Variants in ZFPM2 observed in about 807,000 individuals in gnomAD.
ZFPM2 encodes the protein zinc finger protein ZFPM2.
A neutral mutation model predicts 98.6 loss-of-function variants in ZFPM2; 20 were observed. That is an observed-to-expected ratio of 0.20 (90% CI 0.14 to 0.29). The LOEUF is 0.29. Among genes scored for constraint, ZFPM2 ranks in the 10% least tolerant of loss-of-function variants. ZFPM2 has a pLI of 1.00. For missense variants in ZFPM2, 1,310 were observed against 1,388.6 expected, an observed-to-expected ratio of 0.94 and a Z score of 0.90; for synonymous variants, 518 against 502.7, an observed-to-expected ratio of 1.03 and a Z score of -0.41.
Position 105,802,468 on chromosome 8 carries a change from T to C in ZFPM2, c.2386T>C (p.Ser796Pro). 6.2e-7 allele frequency: 1 copy of C among 1,613,502 alleles called. No homozygotes were observed. The highest frequency in any genetic ancestry group is 8.5e-7 in the Non-Finnish European group (1 of 1,179,720). The stretch of plus-strand genomic sequence containing the variant: ...ATGTGATATCTTTCCAGGAATTGTC[T>C]CTAAACACTTGGAAACTTCTCTGAC... ...PRCDIFPGIV[S>P]KHLETSLTIN... is the part of the protein sequence containing the mutation. Residue 796 changes from serine to proline, a missense_variant, in exon 8 of 8, where the codon TCT becomes CCT. Transcript: ENST00000407775.
intron 5 of ZFPM2, among the ~76,000 whole-genome samples, chr8:105,703,756 C>A (rs1244046792): frequency 2.0e-5 from 3 of 152,148 alleles, no homozygotes; most frequent in Non-Finnish European, 4.4e-5. Context: ...TTATAAAAAT[C>A]ATTTCTTTGC....
chr8:105,689,275 T>G (rs1810819917), intron 5 of ZFPM2, among the ~76,000 whole-genome samples: 1 of 152,218 alleles, frequency 6.6e-6, no homozygotes, highest in African/African-American at 2.4e-5. Context: ...GACATAGATG[T>G]TGATATAATT....
chr8:105,353,360 C>T (rs879705245), intron 1 of ZFPM2, among the ~76,000 whole-genome samples: 1 of 152,144 alleles, frequency 6.6e-6, no homozygotes, highest in African/African-American at 2.4e-5. Context: ...TTTTGTGTGA[C>T]TGGTTATCAC....
chr8:105,523,501 G>C (rs1337979105), intron 3 of ZFPM2, among the ~76,000 whole-genome samples: 2 of 152,164 alleles, frequency 1.3e-5, no homozygotes, highest in Non-Finnish European at 2.9e-5. Context: ...TGGTGGGATC[G>C]TCAGTATGCA....
At chr8:105,320,667 T>A (rs1812008768) in intron 1 of ZFPM2, among the ~76,000 whole-genome samples, 1 of 152,220 alleles carries the variant, frequency 6.6e-6, no homozygotes, top group African/African-American at 2.4e-5. Flanking sequence ...TAATTGATTG[T>A]ATGGCACAAG....
chr8:105,374,084 C>T (rs1194561063), intron 1 of ZFPM2, among the ~76,000 whole-genome samples: 1 of 152,122 alleles, frequency 6.6e-6, no homozygotes, highest in Non-Finnish European at 1.5e-5. Flanking sequence ...TTCTCTTTCC[C>T]TTTTGGGTCT....
chr8:105,560,458 A>G (rs1045165134), intron 3 of ZFPM2, among the ~76,000 whole-genome samples: 1 of 151,980 alleles, frequency 6.6e-6, no homozygotes, highest in Non-Finnish European at 1.5e-5. Context: ...GTGATATGGC[A>G]TGGTAATACT....
chr8:105,360,794 G>T (rs1225394186), intron 1 of ZFPM2, among the ~76,000 whole-genome samples: 1 of 140,702 alleles, frequency 7.1e-6, no homozygotes, highest in Non-Finnish European at 1.5e-5. Context: ...CCCTACAAAG[G>T]ACATGAACTC....
chr8:105,791,457 A>G (rs1212062532), intron 6 of ZFPM2, among the ~76,000 whole-genome samples: 1 of 152,042 alleles, frequency 6.6e-6, no homozygotes, highest in Non-Finnish European at 1.5e-5. Context: ...ATCATGGTGG[A>G]TAAGCTTTTT....
rs1165379424 is a variant in ZFPM2 at position 105,419,223 on chromosome 8, T to C, written c.120T>C (p.Phe40=). Residue 40 remains phenylalanine, a synonymous_variant, in exon 2 of 8, where the codon TTT becomes TTC. Transcript: ENST00000407775. ...CAGACATCATCTCCAAAGGAGACTT[T>C]CCATTGGAGGAAAGCTTTTCCACAG... is the stretch of plus-strand genomic sequence containing the variant. ...EETDIISKGD[F]PLEESFSTEF... is the part of the protein sequence containing the mutation. The C allele has an allele frequency of 1.2e-6, 2 of 1,613,720 alleles. No individual in the cohort carries two copies. The highest frequency in any genetic ancestry group is 8.5e-7 in the Non-Finnish European group (1 of 1,179,722).
At chr8:105,461,202 A>G (rs1315589820) in intron 3 of ZFPM2, among the ~76,000 whole-genome samples, 1 of 152,164 alleles carries the variant, frequency 6.6e-6, no homozygotes. Context: ...TTTAAAATTA[A>G]AAGAGATTGT....
At chr8:105,739,828 A>AAAGTAGAC (rs1812171799) in intron 5 of ZFPM2, among the ~76,000 whole-genome samples, 1 of 151,996 alleles carries the variant, frequency 6.6e-6, no homozygotes, top group Non-Finnish European at 1.5e-5. Context: ...TGGTGAACAA[A>AAAGTAGAC]AAGTAGACAA....
intron 3 of ZFPM2, among the ~76,000 whole-genome samples, chr8:105,452,589 A>C (rs569252997): frequency 2.1e-4 from 32 of 152,046 alleles, no homozygotes; most frequent in African/African-American, 7.2e-4. Context: ...TTTCTACAAA[A>C]AATTAAAAAA....
chr8:105,609,495 C>A (rs189950081), intron 4 of ZFPM2, among the ~76,000 whole-genome samples: 99 of 152,232 alleles, frequency 6.5e-4, no homozygotes, highest in Non-Finnish European at 1.2e-3. Context: ...AAGCTACAAG[C>A]ATTTTAATTG....
rs376164274 is a variant in ZFPM2 at position 105,565,945 on chromosome 8, G to C, written c.420+4464G>C. Among the ~76,000 whole-genome samples, 143 of 152,266 alleles carry C rather than the reference G, an allele frequency of 9.4e-4. 1 individual carries two copies. Among genetic ancestry groups the C allele is most frequent in the African/African-American group, 2.8e-3 (116 of 41,562 alleles). On this transcript the variant is annotated intron_variant, in intron 4 of 7. Transcript: ENST00000407775. The stretch of plus-strand genomic sequence containing the variant: ...TTGGCTTGTCCAGTTATGACGGCTG[G>C]GAAGTACAAAATCTGCAGTACTCAG...
chr8:105,474,790 G>A (rs1446768995), intron 3 of ZFPM2, among the ~76,000 whole-genome samples: 1 of 152,142 alleles, frequency 6.6e-6, no homozygotes, highest in Non-Finnish European at 1.5e-5. Context: ...AAGTGATTGT[G>A]TGGAGACTGT....
At chr8:105,604,389 T>C (rs114095988) in intron 4 of ZFPM2, among the ~76,000 whole-genome samples, 2 of 152,136 alleles carry the variant, frequency 1.3e-5, no homozygotes, top group African/African-American at 4.8e-5. Context: ...TTTATCCTTG[T>C]CCCACAAAGA....
intron 5 of ZFPM2, among the ~76,000 whole-genome samples, chr8:105,648,526 C>T (rs1267721910): frequency 2.0e-5 from 3 of 152,172 alleles, no homozygotes; most frequent in Non-Finnish European, 2.9e-5. Context: ...ACATTTAAGT[C>T]TTTAATCCAT....
At chr8:105,762,219 A>G (rs1812747959) in intron 5 of ZFPM2, among the ~76,000 whole-genome samples, 1 of 151,968 alleles carries the variant, frequency 6.6e-6, no homozygotes, top group Non-Finnish European at 1.5e-5. Context: ...GACCTACTCA[A>G]GAATATATGT....
Sources: gnomAD v4.1 joint callset for allele counts (sites outside exome capture counted in the v4.1 genomes callset) on GRCh38, gnomAD v4.1.1 for gene constraint, MANE v1.5 for transcripts, NCBI Gene and HGNC (gene_info 2026-07-23, HGNC 2026-07-21) for gene names.